The following TTLL5 variants were observed in gnomAD, a reference collection of about 807,000 sequenced individuals.
TTLL5 encodes tubulin tyrosine ligase like 5, also known as tubulin polyglutamylase TTLL5.
TTLL5 carries 132 observed loss-of-function variants against 168.4 expected under a neutral mutation model. That is an observed-to-expected ratio of 0.78 (90% confidence interval 0.68 to 0.91). TTLL5 has a LOEUF of 0.91. Among genes scored for constraint, TTLL5 ranks in the 40% least tolerant of loss-of-function variants. The pLI is 0.00. For missense variants in TTLL5, 1,545 were observed against 1,581.5 expected, an observed-to-expected ratio of 0.98 and a Z score of 0.39; for synonymous variants, 546 against 558.6, an observed-to-expected ratio of 0.98 and a Z score of 0.32.
At chr14:75,954,252 CAAAAA>C (rs56396876) in intron 31 of TTLL5, among the ~76,000 whole-genome samples, 167 bp from the exon 32 acceptor site, 4 of 74,514 alleles carry the variant, frequency 5.4e-5, no homozygotes, top group Admixed American at 1.6e-4. Flanking sequence ...GACTCCATCT[CAAAAA>C]AAAAAAAAAA....
chr14:75,820,239 A>G (rs1894748938), intron 28 of TTLL5, 78 bp downstream of exon 28: 1 of 1,435,182 alleles, frequency 7.0e-7, no homozygotes, highest in Non-Finnish European at 9.2e-7. Flanking sequence ...TCCCACCTTG[A>G]GTTCTGTATG....
intron 19 of TTLL5, 22 bp from the exon 20 acceptor site, chr14:75,766,040 A>G: frequency 1.3e-6 from 2 of 1,588,638 alleles, no homozygotes; most frequent in South Asian, 2.3e-5. Context: ...TTTCAGCAAC[A>G]TTAGTGATTC....
At chr14:75,928,480 G>T (rs754641963) in intron 31 of TTLL5, among the ~76,000 whole-genome samples, 1 of 150,498 alleles carries the variant, frequency 6.6e-6, no homozygotes, top group Non-Finnish European at 1.5e-5. Flanking sequence ...ACACAGACAC[G>T]CACTGAGCCA....
intron 28 of TTLL5, among the ~76,000 whole-genome samples, chr14:75,826,200 T>C (rs1895119502): frequency 6.6e-6 from 1 of 152,030 alleles, no homozygotes; most frequent in African/African-American, 2.4e-5. Context: ...AGTTTGCCAG[T>C]GTCAGTTTTT....
At chr14:75,663,870 G>C (rs1183275877) in intron 2 of TTLL5, among the ~76,000 whole-genome samples, 1 of 152,122 alleles carries the variant, frequency 6.6e-6, no homozygotes, top group African/African-American at 2.4e-5. Flanking sequence ...GATCACCTGA[G>C]GTCAGGAGTT....
At chr14:75,661,667 C>A (rs1441753158) in intron 1 of TTLL5, 1 of 152,292 alleles carries the variant, frequency 6.6e-6, no homozygotes, top group African/African-American at 2.4e-5. Context: ...TTCCGATAGA[C>A]CTGTTTCTCC....
intron 3 of TTLL5, among the ~76,000 whole-genome samples, chr14:75,673,537 T>A (rs1177401890): frequency 6.6e-6 from 1 of 152,236 alleles, no homozygotes; most frequent in African/African-American, 2.4e-5. Context: ...ACTTAGACTC[T>A]TTTAACCGGT....
chr14:75,701,055 T>A (rs1404592245), intron 7 of TTLL5, among the ~76,000 whole-genome samples: 1 of 152,066 alleles, frequency 6.6e-6, no homozygotes, highest in African/African-American at 2.4e-5. Context: ...GCATTTTTAA[T>A]TCTTTTCCCA....
chr14:75,712,656 T>G (rs1887169675), intron 9 of TTLL5, among the ~76,000 whole-genome samples: 5 of 151,952 alleles, frequency 3.3e-5, no homozygotes, highest in Admixed American at 1.3e-4. Flanking sequence ...GCAACTCCAG[T>G]GCAGTTTCAG....
chr14:75,858,238 C>T (rs1467325171), intron 28 of TTLL5, among the ~76,000 whole-genome samples: 3 of 152,148 alleles, frequency 2.0e-5, no homozygotes, highest in Admixed American at 1.3e-4. Context: ...GGTACAAAAA[C>T]GATGGTGGGT....
intron 29 of TTLL5, among the ~76,000 whole-genome samples, chr14:75,874,485 C>T (rs2031297543): frequency 6.6e-6 from 1 of 152,172 alleles, no homozygotes; most frequent in South Asian, 2.1e-4. Flanking sequence ...GGACAAGAAA[C>T]AGCATTAGCA....
intron 28 of TTLL5, among the ~76,000 whole-genome samples, chr14:75,856,589 A>G (rs1051736011): frequency 2.8e-5 from 4 of 143,658 alleles, no homozygotes; most frequent in Admixed American, 2.7e-4. Flanking sequence ...ATTCTTAGGT[A>G]TTTGATGTAT....
intron 3 of TTLL5, among the ~76,000 whole-genome samples, chr14:75,675,980 G>A (rs1444597818): frequency 6.6e-6 from 1 of 152,214 alleles, no homozygotes; most frequent in East Asian, 1.9e-4. Flanking sequence ...GAGCCAGAGA[G>A]CCAGTGGTAT....
chr14:75,706,721 G>A (rs960303710), intron 7 of TTLL5, among the ~76,000 whole-genome samples: 1 of 151,674 alleles, frequency 6.6e-6, no homozygotes, highest in African/African-American at 2.4e-5. Context: ...TTAATATCAT[G>A]TATATACATC....
intron 28 of TTLL5, chr14:75,838,817 C>T (rs1896040553): frequency 6.5e-6 from 1 of 152,680 alleles, no homozygotes; most frequent in South Asian, 2.1e-4. Flanking sequence ...CCATTGGATC[C>T]TTGCTGCATG....
chr14:75,682,104 C>T (rs1037114401), intron 4 of TTLL5, among the ~76,000 whole-genome samples: 3 of 150,612 alleles, frequency 2.0e-5, no homozygotes, highest in Non-Finnish European at 3.0e-5. Flanking sequence ...GCAGGAGAAT[C>T]GCTTGAACTT....
intron 27 of TTLL5, among the ~76,000 whole-genome samples, chr14:75,801,465 A>G (rs890340481): frequency 1.3e-5 from 2 of 152,142 alleles, no homozygotes; most frequent in African/African-American, 2.4e-5. Flanking sequence ...TCTTTGTATT[A>G]CAGACAATCC....
chr14:75,945,194 GATATATA>G (rs1017814858), intron 31 of TTLL5, among the ~76,000 whole-genome samples: 22 of 148,082 alleles, frequency 1.5e-4, no homozygotes, highest in African/African-American at 5.2e-4. Context: ...AGCTTTTATA[GATATATA>G]ATATATATTA....
At chr14:75,746,221 T>C (rs764083690) in intron 17 of TTLL5, among the ~76,000 whole-genome samples, 9 of 152,238 alleles carry the variant, frequency 5.9e-5, no homozygotes, top group Non-Finnish European at 1.2e-4. Context: ...TTCATATTCA[T>C]ATGTGTTGGT....
Sources: allele counts gnomAD v4.1 joint callset (sites outside exome capture counted in the v4.1 genomes callset), GRCh38; gene constraint gnomAD v4.1.1; transcripts MANE v1.5; gene names NCBI Gene and HGNC (gene_info 2026-07-23, HGNC 2026-07-21).